FRK: variants seen among roughly 807,000 people sequenced by gnomAD.
FRK encodes tyrosine-protein kinase FRK.
A neutral mutation model predicts 56.4 loss-of-function variants in FRK; 51 were observed. That is an observed-to-expected ratio of 0.90 (90% CI 0.72 to 1.14). FRK has a LOEUF of 1.14. Among genes scored for constraint, FRK ranks in the 50% most tolerant of loss-of-function variants. The pLI is 0.00. For synonymous variants in FRK, 245 were observed against 217.9 expected, an observed-to-expected ratio of 1.12 and a Z score of -1.10; for missense variants, 570 against 601.4, an observed-to-expected ratio of 0.95 and a Z score of 0.55.
the FRK span, among the ~76,000 whole-genome samples, chr6:116,078,494 T>C: frequency 1.3e-5 from 2 of 152,224 alleles, no homozygotes; most frequent in African/African-American, 4.8e-5. Context: ...GGGGTTGGTT[T>C]GTTTGTTTTA....
intron 2 of FRK, among the ~76,000 whole-genome samples, chr6:115,977,022 ACTC>A (rs1314549425): frequency 5.3e-5 from 8 of 151,876 alleles, no homozygotes; most frequent in African/African-American, 1.9e-4. Flanking sequence ...GCACTTGTAA[ACTC>A]CTGTTTATTT....
chr6:116,080,051 T>C, the FRK span, among the ~76,000 whole-genome samples: 269 of 152,306 alleles, frequency 1.8e-3, 3 homozygotes, highest in African/African-American at 5.8e-3. Flanking sequence ...AATATGTACT[T>C]TTTTTATAAT....
At chr6:115,970,416 C>T (rs368153055) in intron 2 of FRK, among the ~76,000 whole-genome samples, 48 of 152,260 alleles carry the variant, frequency 3.2e-4, no homozygotes, top group African/African-American at 1.1e-3. Context: ...GGGTTCAAAC[C>T]TGGAAACAAT....
the FRK span, among the ~76,000 whole-genome samples, chr6:116,075,000 T>G: frequency 6.6e-6 from 1 of 152,072 alleles, no homozygotes. Flanking sequence ...CCCTTGTGAG[T>G]GCTCAGAGAG....
At position 116,060,626 on chromosome 6, in the gene FRK, A is replaced by T. The variant is rs189383309; in HGVS notation, c.-315T>A. 130 of 244,582 alleles carry T rather than the reference A, an allele frequency of 5.3e-4. No individual in the cohort carries two copies. Among genetic ancestry groups the T allele is most frequent in the African/African-American group, 2.7e-3 (123 of 44,864 alleles). The allele number at this position is 244,582 out of a possible 1,614,324, so 15.2% of individuals were successfully genotyped here. ...AAGAATCCCACAACAAAAATAAAAT[A>T]AAATTAAAAGGGCTTTATTTAGACA... On this transcript the variant is annotated 5_prime_UTR_variant, in exon 1 of 8. It introduces an in-frame stop codon into an upstream open reading frame of the 5' UTR. Coordinates refer to ENST00000606080, the MANE Select transcript of FRK (RefSeq NM_002031.3).
At chr6:115,992,899 A>C (rs1232839026) in intron 2 of FRK, among the ~76,000 whole-genome samples, 1 of 151,852 alleles carries the variant, frequency 6.6e-6, no homozygotes, top group Non-Finnish European at 1.5e-5. Context: ...AATGAGATAC[A>C]ATACCAAAGC....
At position 115,956,463 on chromosome 6, in the gene FRK, T is replaced by C; in HGVS notation, c.947A>G (p.Glu316Gly). The C allele has an allele frequency of 6.5e-7, 1 of 1,535,654 alleles. No homozygotes were observed. Among genetic ancestry groups the C allele is most frequent in the South Asian group, 1.3e-5 (1 of 74,668 alleles). The change falls in exon 5 of 8, where the codon GAA becomes GGA. Residue 316 changes from glutamate to glycine, a missense_variant. Glu to Gly is a moderately conservative substitution (Grantham distance 98). Transcript: ENST00000606080. ...TELMRHGSLQ[E>G]YLQNDTGSKI... ...AGTCTTTAGCTTACTTTGGAGATAT[T>C]CTTGCAGACTTCCATGTCTCATCAA...
intron 2 of FRK, among the ~76,000 whole-genome samples, chr6:116,000,219 C>CTTTTT: frequency 3.7e-5 from 2 of 53,364 alleles, no homozygotes; most frequent in African/African-American, 1.8e-4. Context: ...AAATATCATT[C>CTTTTT]TTTCTTTTTT....
intron 1 of FRK, chr6:116,039,324 G>T: frequency 7.1e-7 from 1 of 1,416,988 alleles, no homozygotes; most frequent in East Asian, 2.3e-5. Context: ...TCTGAGAATG[G>T]TGTCCAACAT....
At chr6:115,959,228 A>C (rs770301257) in intron 4 of FRK, among the ~76,000 whole-genome samples, 2 of 152,242 alleles carry the variant, frequency 1.3e-5, no homozygotes, top group Non-Finnish European at 2.9e-5. Flanking sequence ...TGAAGTGAAG[A>C]CATTTAACCA....
intron 4 of FRK, among the ~76,000 whole-genome samples, chr6:115,958,718 A>G (rs1183872929): frequency 5.0e-5 from 1 of 20,052 alleles, no homozygotes; most frequent in Non-Finnish European, 9.4e-5. Flanking sequence ...AAAGAAAGAA[A>G]GAAAGAAAGA....
intron 2 of FRK, among the ~76,000 whole-genome samples, chr6:115,969,790 T>G (rs976597200): frequency 2.6e-5 from 4 of 152,308 alleles, no homozygotes; most frequent in South Asian, 2.1e-4. Flanking sequence ...GAGGCAGTCT[T>G]GATTTGGAAA....
intron 1 of FRK, among the ~76,000 whole-genome samples, chr6:116,018,760 A>G (rs971874617): frequency 1.3e-5 from 2 of 152,222 alleles, no homozygotes; most frequent in Non-Finnish European, 2.9e-5. Flanking sequence ...TGATACAAAG[A>G]CATTTCCACC....
intron 4 of FRK, among the ~76,000 whole-genome samples, chr6:115,966,640 C>T (rs993681880): frequency 3.3e-5 from 5 of 152,164 alleles, no homozygotes; most frequent in African/African-American, 7.2e-5. Context: ...CAGAAAACTA[C>T]AATCTAGCCT....
chr6:116,064,896 T>G (rs1777731152), upstream of FRK, among the ~76,000 whole-genome samples: 1 of 152,152 alleles, frequency 6.6e-6, no homozygotes, highest in Non-Finnish European at 1.5e-5. Context: ...GCCAGACTGG[T>G]TTATTAGATC....
chr6:115,937,770 T>C lies in FRK; in HGVS notation c.*4644A>G, dbSNP rs1772078214. The C allele has an allele frequency of 6.6e-6, 1 of 152,068 alleles. No homozygotes were observed. The highest frequency in any genetic ancestry group is 2.1e-4 in the South Asian group (1 of 4,824). The allele number at this position is 152,068 out of a possible 1,614,324, so 9.4% of individuals were successfully genotyped here. ...GGTAAACAGATCAATGCAACAAGAA[T>C]AGCTAACTATCCTAAATATATATAC... On this transcript the variant is annotated 3_prime_UTR_variant, in exon 8 of 8. Coordinates refer to ENST00000606080, the MANE Select transcript of FRK (RefSeq NM_002031.3).
chr6:115,966,010 C>A (rs1773553680), intron 4 of FRK, among the ~76,000 whole-genome samples: 2 of 113,616 alleles, frequency 1.8e-5, no homozygotes, highest in Non-Finnish European at 3.6e-5. Flanking sequence ...TGTAACTAAC[C>A]TGCACAATGT....
At chr6:116,046,552 G>A (rs769274121) in intron 1 of FRK, among the ~76,000 whole-genome samples, 3 of 152,102 alleles carry the variant, frequency 2.0e-5, no homozygotes, top group Non-Finnish European at 4.4e-5. Context: ...AACACTGCAT[G>A]TTCTCACTCA....
At chr6:116,017,575 T>C (rs1436376882) in intron 1 of FRK, among the ~76,000 whole-genome samples, 1 of 152,210 alleles carries the variant, frequency 6.6e-6, no homozygotes, top group Non-Finnish European at 1.5e-5. Flanking sequence ...TCGAGGTTTT[T>C]CTTTTATCAC....
Sources: allele counts gnomAD v4.1 joint callset (sites outside exome capture counted in the v4.1 genomes callset), GRCh38; gene constraint gnomAD v4.1.1; transcripts MANE v1.5; gene names NCBI Gene and HGNC (gene_info 2026-07-23, HGNC 2026-07-21).